PTK2: variants seen among roughly 807,000 people sequenced by gnomAD.
The protein encoded by PTK2 is protein tyrosine kinase 2.
In PTK2, 45 loss-of-function variants were observed where a neutral mutation model predicts 150.1. That is an observed-to-expected ratio of 0.30 (90% CI 0.24 to 0.38). The LOEUF (loss-of-function observed/expected upper bound fraction) is 0.38, where lower values mean the gene tolerates loss of function less well. Ranked by LOEUF, PTK2 falls within the 10% of genes least tolerant of loss-of-function variation. The pLI is 1.00. For synonymous variants in PTK2, 432 were observed against 449.2 expected (o/e 0.96, Z 0.48); for missense variants, 919 against 1,307.3 (o/e 0.70, Z 4.58).
At chr8:140,748,240 T>C (rs370817196) in intron 17 of PTK2, among the ~76,000 whole-genome samples, 4 of 152,268 alleles carry the variant, frequency 2.6e-5, no homozygotes, top group African/African-American at 7.2e-5. Flanking sequence ...ACGCCTGTAA[T>C]CCCAGCACTT....
chr8:140,761,245 G>C lies in PTK2; in HGVS notation c.1252C>G (p.Gln418Glu). ...CGTCCAAGTTCTATTCTTTCTCTTT[G>C]AATCTCATAATCCCTGGCTGTAAAA... The change falls in exon 16 of 32, where the codon CAA becomes GAA. Residue 418 changes from glutamine to glutamate, a missense_variant. Transcript: ENST00000522684. The C allele has an allele frequency of 6.2e-7, 1 of 1,611,524 alleles. No individual in the cohort carries two copies. The highest frequency in any genetic ancestry group is 2.2e-5 in the East Asian group (1 of 44,746).
At chr8:140,826,855 C>G (rs2100112055) in intron 8 of PTK2, among the ~76,000 whole-genome samples, 3 of 152,022 alleles carry the variant, frequency 2.0e-5, no homozygotes, top group Admixed American at 2.0e-4. Flanking sequence ...GTGGCCGAGG[C>G]TGCAGTGAGC....
At chr8:140,927,105 A>T (rs2100169751) in intron 1 of PTK2, among the ~76,000 whole-genome samples, 1 of 152,242 alleles carries the variant, frequency 6.6e-6, no homozygotes, top group African/African-American at 2.4e-5. Context: ...CAGAAGAAGA[A>T]GTTCAAAGTG....
chr8:140,852,087 A>G (rs1598677270), intron 5 of PTK2, among the ~76,000 whole-genome samples: 2 of 152,188 alleles, frequency 1.3e-5, no homozygotes, highest in Admixed American at 1.3e-4. Flanking sequence ...AAAGTTTTGA[A>G]TATCAGGGCA....
intron 4 of PTK2, among the ~76,000 whole-genome samples, chr8:140,865,102 A>C (rs1213105021): frequency 2.6e-5 from 4 of 152,002 alleles, no homozygotes; most frequent in Non-Finnish European, 5.9e-5. Context: ...TGTTTTACTC[A>C]CTCTGATTGG....
intron 20 of PTK2, among the ~76,000 whole-genome samples, chr8:140,741,776 A>G (rs2100055849): frequency 6.6e-6 from 1 of 152,218 alleles, no homozygotes; most frequent in Non-Finnish European, 1.5e-5. Context: ...CAATTTGAAG[A>G]ACCAATTCAA....
chr8:140,959,413 C>T (rs1240298811), intron 1 of PTK2, among the ~76,000 whole-genome samples: 2 of 150,936 alleles, frequency 1.3e-5, no homozygotes, highest in Non-Finnish European at 2.9e-5. Flanking sequence ...GTGGCGGGTG[C>T]CTGTAGTCCC....
At chr8:140,983,832 T>A (rs2100192344) in intron 1 of PTK2, 1 of 152,198 alleles carries the variant, frequency 6.6e-6, no homozygotes, top group Admixed American at 6.5e-5. Flanking sequence ...TTACTTTTAA[T>A]AACTGTTACC....
At chr8:140,803,006 T>A (rs1055621292) in intron 11 of PTK2, among the ~76,000 whole-genome samples, 51 of 74,214 alleles carry the variant, frequency 6.9e-4, no homozygotes, top group African/African-American at 2.5e-3. Flanking sequence ...GATGACAATC[T>A]TTTTTTTTTT....
At chr8:140,954,151 T>G (rs1004753568) in intron 1 of PTK2, among the ~76,000 whole-genome samples, 2 of 152,134 alleles carry the variant, frequency 1.3e-5, no homozygotes, top group Non-Finnish European at 2.9e-5. Context: ...GGCTAATTTT[T>G]GTCTGTTTAG....
At chr8:140,673,904 C>T (rs1455973638) in intron 29 of PTK2, among the ~76,000 whole-genome samples, 6 of 152,178 alleles carry the variant, frequency 3.9e-5, no homozygotes, top group Non-Finnish European at 8.8e-5. Context: ...CATGAAGCCA[C>T]ACTTATAAAC....
intron 1 of PTK2, among the ~76,000 whole-genome samples, chr8:140,983,035 T>TA (rs1189173707): frequency 1.3e-5 from 2 of 152,140 alleles, no homozygotes; most frequent in Non-Finnish European, 2.9e-5. Flanking sequence ...TAGTACAAAA[T>TA]ATAGTTTTCC....
At chr8:140,880,702 A>G (rs1192940906) in intron 3 of PTK2, among the ~76,000 whole-genome samples, 1 of 152,240 alleles carries the variant, frequency 6.6e-6, no homozygotes, top group Non-Finnish European at 1.5e-5. Flanking sequence ...GTATTGCTTT[A>G]TTACAGCACA....
chr8:140,727,626 C>G (rs2100046682), intron 22 of PTK2, among the ~76,000 whole-genome samples: 1 of 151,768 alleles, frequency 6.6e-6, no homozygotes, highest in South Asian at 2.1e-4. Flanking sequence ...ATTAATCAAA[C>G]CTAGAACTTC....
intron 30 of PTK2, among the ~76,000 whole-genome samples, chr8:140,666,398 C>G (rs1588974439): frequency 6.6e-6 from 1 of 151,274 alleles, no homozygotes; most frequent in African/African-American, 2.4e-5. Context: ...TTCTATAACT[C>G]AACAACAAAA....
chr8:140,961,203 C>T (rs2100183059), intron 1 of PTK2, among the ~76,000 whole-genome samples: 1 of 152,194 alleles, frequency 6.6e-6, no homozygotes, highest in Non-Finnish European at 1.5e-5. Context: ...CTACACCACA[C>T]TTTGCTAAGC....
At chr8:140,893,581 C>A (rs2100154941) in intron 2 of PTK2, among the ~76,000 whole-genome samples, 1 of 152,066 alleles carries the variant, frequency 6.6e-6, no homozygotes, top group South Asian at 2.1e-4. Context: ...AAGGAATATG[C>A]AAATCTATAC....
At chr8:140,800,774 C>G (rs1464241957) in intron 11 of PTK2, among the ~76,000 whole-genome samples, 198 bp from the exon 12 acceptor site, 1 of 152,046 alleles carries the variant, frequency 6.6e-6, no homozygotes, top group Non-Finnish European at 1.5e-5. Context: ...AAATGCAAAC[C>G]CAGATGAAAA....
At chr8:140,769,401 G>T (rs1406456330) in intron 14 of PTK2, among the ~76,000 whole-genome samples, 174 bp downstream of exon 16, 1 of 152,146 alleles carries the variant, frequency 6.6e-6, no homozygotes, top group African/African-American at 2.4e-5. Flanking sequence ...GAAATTGATA[G>T]TTATCCTTTC....
Sources: gnomAD v4.1 joint callset for allele counts (sites outside exome capture counted in the v4.1 genomes callset) on GRCh38, gnomAD v4.1.1 for gene constraint, MANE v1.5 for transcripts, NCBI Gene and HGNC (gene_info 2026-07-23, HGNC 2026-07-21) for gene names.